The following FANCC variants were observed in gnomAD, a reference collection of about 807,000 sequenced individuals.
FANCC encodes the protein Fanconi anemia group C protein.
In FANCC, 55 loss-of-function variants were observed where a neutral mutation model predicts 71.3. The observed-to-expected ratio is 0.77, with a 90% CI of 0.62 to 0.97. FANCC has a LOEUF of 0.97. Among genes scored for constraint, FANCC ranks in the 50% least tolerant of loss-of-function variants. The pLI, the probability that FANCC is intolerant of heterozygous loss-of-function variation, is 0.00. For missense variants in FANCC, 678 were observed against 670.9 expected (o/e 1.01, Z -0.12); for synonymous variants, 275 against 244.9 (o/e 1.12, Z -1.15).
chr9:95,302,691 G>A (rs1834821509), intron 1 of FANCC, among the ~76,000 whole-genome samples: 1 of 152,164 alleles, frequency 6.6e-6, no homozygotes, highest in African/African-American at 2.4e-5. Context: ...TCTTCCGGGA[G>A]AGCACAGCAA....
intron 1 of FANCC, among the ~76,000 whole-genome samples, chr9:95,300,918 T>C (rs958955271): frequency 6.6e-6 from 1 of 152,046 alleles, no homozygotes; most frequent in Non-Finnish European, 1.5e-5. Context: ...AAGTCTGGTA[T>C]TGAGGTTAAA....
chr9:95,253,518 A>ATGG (rs1831479000), intron 1 of FANCC, among the ~76,000 whole-genome samples: 1 of 152,208 alleles, frequency 6.6e-6, no homozygotes, highest in Non-Finnish European at 1.5e-5. Flanking sequence ...GAGAAGTTGA[A>ATGG]TGTTCTGCTC....
chr9:95,258,074 G>C (rs1831783849), intron 1 of FANCC, among the ~76,000 whole-genome samples: 1 of 152,096 alleles, frequency 6.6e-6, no homozygotes, highest in Admixed American at 6.5e-5. Context: ...AAAAAGCCCA[G>C]GACCAGACAG....
chr9:95,117,235 G>A (rs1383847960), intron 11 of FANCC, 80 bp downstream of exon 11: 4 of 1,209,274 alleles, frequency 3.3e-6, no homozygotes, highest in Non-Finnish European at 4.9e-6. Flanking sequence ...TGTAGATAAG[G>A]GCCTGATGAG....
At chr9:95,293,602 C>T in intron 1 of FANCC, 3 of 1,614,198 alleles carry the variant, frequency 1.9e-6, no homozygotes, top group Non-Finnish European at 2.5e-6. Flanking sequence ...TCTTATGCCT[C>T]ACAAAACTTT....
intron 1 of FANCC, among the ~76,000 whole-genome samples, chr9:95,276,707 A>G (rs553397969): frequency 1.2e-4 from 18 of 152,310 alleles, no homozygotes; most frequent in African/African-American, 3.8e-4. Flanking sequence ...GATCTGAAAC[A>G]TTTTCCACGA....
intron 7 of FANCC, chr9:95,145,482 AGTCTTCCCCCAACAACACTGGGT>A (rs1248350406): frequency 6.6e-6 from 1 of 152,228 alleles, no homozygotes; most frequent in Non-Finnish European, 1.5e-5. Context: ...TACTTACAGG[AGTCTTCCCCCAACAACACTGGGT>A]GTCTTCCCTG....
intron 1 of FANCC, among the ~76,000 whole-genome samples, chr9:95,303,083 G>A (rs1004953695): frequency 1.3e-5 from 2 of 152,186 alleles, no homozygotes; most frequent in Non-Finnish European, 2.9e-5. Context: ...CGGTTGTACA[G>A]CCAGACTTTC....
chr9:95,126,028 CAAG>C (rs780112354), intron 9 of FANCC, among the ~76,000 whole-genome samples: 1 of 152,190 alleles, frequency 6.6e-6, no homozygotes, highest in African/African-American at 2.4e-5. Context: ...ATGCATTTCC[CAAG>C]AAGTACTCAT....
At chr9:95,161,842 CTTTTTTTTTT>C (rs71366277) in intron 6 of FANCC, among the ~76,000 whole-genome samples, 1 of 110,766 alleles carries the variant, frequency 9.0e-6, no homozygotes, top group East Asian at 2.7e-4. Context: ...CTTTTCTTTT[CTTTTTTTTTT>C]TTTTTTTGAG....
At chr9:95,315,924 A>G (rs1360975589) in intron 1 of FANCC, among the ~76,000 whole-genome samples, 3 of 152,344 alleles carry the variant, frequency 2.0e-5, no homozygotes, top group African/African-American at 7.2e-5. Flanking sequence ...TTGTTTTAAA[A>G]TGTACATGCA....
At chr9:95,251,123 G>A (rs1028323022) in intron 1 of FANCC, among the ~76,000 whole-genome samples, 1 of 151,964 alleles carries the variant, frequency 6.6e-6, no homozygotes, top group Non-Finnish European at 1.5e-5. Flanking sequence ...GGCTTTATTC[G>A]TTCACTTAGT....
At chr9:95,249,030 C>T (rs1831165329) in intron 2 of FANCC, 97 bp downstream of exon 2, 2 of 1,343,160 alleles carry the variant, frequency 1.5e-6, no homozygotes, top group Non-Finnish European at 2.1e-6. Context: ...TCAGTCAATA[C>T]CACAAGTCCC....
chr9:95,202,221 G>T (rs894769717), intron 4 of FANCC, among the ~76,000 whole-genome samples: 1 of 152,262 alleles, frequency 6.6e-6, no homozygotes, highest in East Asian at 1.9e-4. Flanking sequence ...CAGGGGTGCT[G>T]CTGGCTGGGA....
chr9:95,268,386 G>A (rs1275671889), intron 1 of FANCC, among the ~76,000 whole-genome samples: 1 of 152,228 alleles, frequency 6.6e-6, no homozygotes, highest in African/African-American at 2.4e-5. Context: ...ATGGGCTCCT[G>A]CCAAAAGGGT....
At chr9:95,314,201 T>A (rs184073700) in intron 1 of FANCC, among the ~76,000 whole-genome samples, 90 of 152,328 alleles carry the variant, frequency 5.9e-4, no homozygotes, top group African/African-American at 2.1e-3. Context: ...AAACTGGAAG[T>A]AATCATCAAG....
chr9:95,163,162 T>C (rs1450389230), intron 6 of FANCC, among the ~76,000 whole-genome samples: 1 of 152,216 alleles, frequency 6.6e-6, no homozygotes, highest in Non-Finnish European at 1.5e-5. Flanking sequence ...GTATATCCAG[T>C]TTTCCCAACA....
chr9:95,128,552 T>A (rs1381451689), intron 8 of FANCC, among the ~76,000 whole-genome samples: 1 of 152,202 alleles, frequency 6.6e-6, no homozygotes. Flanking sequence ...AAAATGATGA[T>A]CAGATGTAGA....
chr9:95,284,785 TAAC>T (rs1227018098), intron 1 of FANCC, among the ~76,000 whole-genome samples: 2 of 151,890 alleles, frequency 1.3e-5, no homozygotes, highest in African/African-American at 4.8e-5. Context: ...AGATAAATAT[TAAC>T]AACAGCAGTT....
Sources: allele counts gnomAD v4.1 joint callset (sites outside exome capture counted in the v4.1 genomes callset), GRCh38; gene constraint gnomAD v4.1.1; transcripts MANE v1.5; gene names NCBI Gene and HGNC (gene_info 2026-07-23, HGNC 2026-07-21).